The following DNAAF19 variants were observed in gnomAD, a reference collection of about 807,000 sequenced individuals.
DNAAF19 encodes dynein axonemal assembly factor 19, also known as coiled-coil domain containing 103.
At chr17:44,902,954 A>G in the DNAAF19 span, 1 of 1,433,456 alleles carries the variant, frequency 7.0e-7, no homozygotes. Context: ...GAGCAAAAAC[A>G]GGAATCAAGT....
At chr17:44,903,043 T>C in the DNAAF19 span, 3 of 1,390,574 alleles carry the variant, frequency 2.2e-6, no homozygotes, top group African/African-American at 4.3e-5. Flanking sequence ...GCTCAGGAAG[T>C]TGAGAGCGGT....
the DNAAF19 span, chr17:44,903,877 G>A: frequency 1.3e-6 from 2 of 1,548,184 alleles, no homozygotes; most frequent in South Asian, 2.4e-5. Context: ...GGGGGCTCCA[G>A]GCCTTTGAAA....
At chr17:44,905,388 A>T in the DNAAF19 span, 1 of 283,648 alleles carries the variant, frequency 3.5e-6, no homozygotes, top group Non-Finnish European at 7.0e-6. Flanking sequence ...GTGTTGAATC[A>T]TGTTTGAGCT....
chr17:44,905,295 G>A, the DNAAF19 span: 5 of 559,978 alleles, frequency 8.9e-6, no homozygotes, highest in African/African-American at 1.9e-5. Context: ...GATGGAAGTA[G>A]GGCACATGTG....
the DNAAF19 span, chr17:44,905,068 C>A: frequency 6.5e-7 from 1 of 1,535,168 alleles, no homozygotes; most frequent in South Asian, 1.2e-5. Context: ...GCTTCTCCCC[C>A]TAGGAGCTCT....
the DNAAF19 span, chr17:44,903,808 C>A: frequency 6.5e-7 from 1 of 1,541,590 alleles, no homozygotes; most frequent in Non-Finnish European, 8.8e-7. Context: ...CCCTGCCCCT[C>A]TGACCCCTGC....
chr17:44,904,640 C>G, the DNAAF19 span: 1 of 1,550,564 alleles, frequency 6.4e-7, no homozygotes, highest in Non-Finnish European at 8.7e-7. Context: ...CTGGGTGCCC[C>G]AGGTGCCCAT....
the DNAAF19 span, among the ~76,000 whole-genome samples, chr17:44,900,705 TA>T: frequency 6.6e-6 from 1 of 152,134 alleles, no homozygotes; most frequent in African/African-American, 2.4e-5. Flanking sequence ...GCACCAAAAT[TA>T]AAAATATTTT....
the DNAAF19 span, chr17:44,904,948 G>A: frequency 6.4e-7 from 1 of 1,550,700 alleles, no homozygotes; most frequent in African/African-American, 1.4e-5. Context: ...CAGATCCTGA[G>A]ACTCGCTCGG....
At chr17:44,903,243 T>C in the DNAAF19 span, 1 of 1,252,040 alleles carries the variant, frequency 8.0e-7, no homozygotes, top group Non-Finnish European at 1.0e-6. Context: ...CCCAAACCAA[T>C]GAATGGACAT....
chr17:44,904,714 G>T, the DNAAF19 span: 4 of 1,550,616 alleles, frequency 2.6e-6, no homozygotes, highest in Non-Finnish European at 3.5e-6. Flanking sequence ...CCCGGCCAGA[G>T]CATGCAGTGG....
the DNAAF19 span, chr17:44,904,314 A>T: frequency 6.5e-7 from 1 of 1,545,348 alleles, no homozygotes; most frequent in Non-Finnish European, 8.7e-7. Context: ...GCAGATGAAT[A>T]CTATGGGCAC....
chr17:44,904,901 G>T, the DNAAF19 span: 2 of 1,550,596 alleles, frequency 1.3e-6, no homozygotes, highest in Non-Finnish European at 1.7e-6. Context: ...CTTCCGGCTG[G>T]GTGTGACATC....
chr17:44,901,278 C>T, the DNAAF19 span: 1 of 1,101,318 alleles, frequency 9.1e-7, no homozygotes, highest in African/African-American at 1.6e-5. Context: ...CTTAACTTCT[C>T]TGAGTCTCAA....
chr17:44,904,768 G>A, the DNAAF19 span: 2 of 1,550,678 alleles, frequency 1.3e-6, no homozygotes, highest in Non-Finnish European at 1.7e-6. Flanking sequence ...CACAGTACCT[G>A]AAGGGTGTCA....
the DNAAF19 span, among the ~76,000 whole-genome samples, chr17:44,900,130 C>T: frequency 6.6e-3 from 999 of 152,132 alleles, 10 homozygotes; most frequent in African/African-American, 0.023. Context: ...TAGAGAATCT[C>T]TCTGCAGTGG....
chr17:44,902,185 CCT>C, the DNAAF19 span: 4 of 779,734 alleles, frequency 5.1e-6, no homozygotes, highest in Non-Finnish European at 4.5e-6. Context: ...TGGGGCCCTC[CCT>C]GTTTCATCCC....
At chr17:44,903,179 C>A in the DNAAF19 span, 4 of 1,266,970 alleles carry the variant, frequency 3.2e-6, no homozygotes, top group East Asian at 8.7e-5. Context: ...AAAGCAAAAT[C>A]TTTATGGTAA....
the DNAAF19 span, chr17:44,905,326 G>A: frequency 4.0e-6 from 2 of 498,074 alleles, no homozygotes; most frequent in African/African-American, 3.9e-5. Flanking sequence ...TCACATTTAG[G>A]TCAGAGAAGG....
Sources: allele counts gnomAD v4.1 joint callset (sites outside exome capture counted in the v4.1 genomes callset), GRCh38; gene constraint gnomAD v4.1.1; transcripts MANE v1.5; gene names NCBI Gene and HGNC (gene_info 2026-07-23, HGNC 2026-07-21).